ZNF407: variants seen among roughly 807,000 people sequenced by gnomAD.
The protein encoded by ZNF407 is zinc finger protein 407.
A neutral mutation model predicts 131.2 loss-of-function variants in ZNF407; 17 were observed. The ratio of observed to expected loss-of-function variants is 0.13; its 90% CI spans 0.09 to 0.19. ZNF407 has a LOEUF of 0.19. ZNF407 is among the 10% of genes least tolerant of loss of function. ZNF407 has a pLI of 1.00. For synonymous variants in ZNF407, 1,156 were observed against 1,062.0 expected, an observed-to-expected ratio of 1.09 and a Z score of -1.72; for missense variants, 2,681 against 2,830.6, an observed-to-expected ratio of 0.95 and a Z score of 1.20.
chr18:74,934,550 T>C (rs1358493665), intron 8 of ZNF407, among the ~76,000 whole-genome samples: 1 of 152,244 alleles, frequency 6.6e-6, no homozygotes, highest in Non-Finnish European at 1.5e-5. Context: ...GGCTCACGCC[T>C]ATAATCCTAG....
At chr18:74,940,893 G>T (rs995117792) in intron 8 of ZNF407, among the ~76,000 whole-genome samples, 1 of 152,182 alleles carries the variant, frequency 6.6e-6, no homozygotes, top group African/African-American at 2.4e-5. Context: ...TAGTTCTTGG[G>T]TGTACTGCTC....
intron 3 of ZNF407, among the ~76,000 whole-genome samples, chr18:74,746,016 G>A (rs958947279): frequency 1.3e-5 from 2 of 152,126 alleles, no homozygotes; most frequent in Non-Finnish European, 2.9e-5. Context: ...TTGTTACTGT[G>A]CAAACATCAT....
rs879899867 is a variant in ZNF407, at chr18:74,866,796, CATTAT to C, written c.4878-10395_4878-10391del. On this transcript the variant is annotated intron_variant, in intron 4 of 8. Coordinates refer to ENST00000299687, the MANE Select transcript of ZNF407 (RefSeq NM_017757.3). ...TTTATTGTATTCATTATATTTTATT[CATTAT>C]ATTATTTTATTTTATTCATTATATT... Among the ~76,000 whole-genome samples the C allele has an allele frequency of 1.5e-3, 228 of 147,206 alleles. 1 individual carries two copies. The highest frequency in any genetic ancestry group is 2.5e-3 in the Non-Finnish European group (164 of 66,714).
chr18:75,035,114 A>G (rs1220244117), intron 8 of ZNF407, among the ~76,000 whole-genome samples: 1 of 152,234 alleles, frequency 6.6e-6, no homozygotes, highest in Non-Finnish European at 1.5e-5. Context: ...CATGTAATTT[A>G]TAGCTGAATG....
At chr18:74,784,624 A>G (rs1969669955) in intron 4 of ZNF407, among the ~76,000 whole-genome samples, 1 of 152,248 alleles carries the variant, frequency 6.6e-6, no homozygotes, top group Non-Finnish European at 1.5e-5. Flanking sequence ...AATCCTACAC[A>G]CTTAAATTCA....
At chr18:74,971,184 C>T (rs367915719) in intron 8 of ZNF407, among the ~76,000 whole-genome samples, 104 of 152,204 alleles carry the variant, frequency 6.8e-4, no homozygotes, top group African/African-American at 2.3e-3. Context: ...TGCCTCTGGA[C>T]CTCCAGGCCT....
chr18:74,928,517 A>G (rs1971941876), intron 8 of ZNF407, among the ~76,000 whole-genome samples: 1 of 152,208 alleles, frequency 6.6e-6, no homozygotes, highest in African/African-American at 2.4e-5. Flanking sequence ...TACAGAATGC[A>G]AATTTTCCCA....
At chr18:74,648,340 G>A (rs1372044774) in intron 3 of ZNF407, among the ~76,000 whole-genome samples, 3 of 149,560 alleles carry the variant, frequency 2.0e-5, no homozygotes, top group Admixed American at 6.6e-5. Flanking sequence ...CTGGAGGCTG[G>A]ATTGTGAAGC....
At chr18:74,904,229 T>A (rs1487429225) in intron 7 of ZNF407, among the ~76,000 whole-genome samples, 1 of 152,252 alleles carries the variant, frequency 6.6e-6, no homozygotes, top group Non-Finnish European at 1.5e-5. Context: ...CTAAGTTTTA[T>A]TTTACTTCTA....
intron 4 of ZNF407, among the ~76,000 whole-genome samples, chr18:74,796,450 A>T (rs1969921321): frequency 6.6e-6 from 1 of 152,176 alleles, no homozygotes; most frequent in Non-Finnish European, 1.5e-5. Context: ...TTGAGATCCC[A>T]AGCTGCATTT....
At position 74,921,554 on chromosome 18, in the gene ZNF407, C is replaced by G. The variant is rs1327689375; in HGVS notation, c.5428+862C>G. 4.6e-5 allele frequency among the ~76,000 whole-genome samples: 7 copies of G among 152,304 alleles called. No homozygotes were observed. The East Asian group carries it at 1.4e-3, about 29-fold the overall frequency. Reference sequence around the variant, plus strand: ...AGAGTTGCTTTTAAACCCTGCTTCTCATTATTGGCCATATGACCTCAGGCA... The same window carrying G: ...AGAGTTGCTTTTAAACCCTGCTTCTGATTATTGGCCATATGACCTCAGGCA... On this transcript the variant is annotated intron_variant, in intron 8 of 8. Coordinates refer to ENST00000299687, the MANE Select transcript of ZNF407 (RefSeq NM_017757.3).
intron 4 of ZNF407, among the ~76,000 whole-genome samples, chr18:74,833,653 C>T (rs769404613): frequency 1.6e-4 from 25 of 152,294 alleles, no homozygotes; most frequent in Non-Finnish European, 2.9e-4. Context: ...TCCTGTTGCC[C>T]TTGGCACGGG....
chr18:74,749,819 C>T (rs1384109423), intron 3 of ZNF407, among the ~76,000 whole-genome samples: 1 of 152,032 alleles, frequency 6.6e-6, no homozygotes, highest in African/African-American at 2.4e-5. Context: ...TAATAGAAAG[C>T]TTTGTATTCC....
chr18:74,833,159 A>G (rs1188944285), intron 4 of ZNF407, among the ~76,000 whole-genome samples: 2 of 152,340 alleles, frequency 1.3e-5, no homozygotes, highest in East Asian at 3.9e-4. Context: ...ACAACAAGGA[A>G]AGGGACATGG....
chr18:74,736,603 A>G (rs1481021044), intron 3 of ZNF407, among the ~76,000 whole-genome samples: 1 of 152,054 alleles, frequency 6.6e-6, no homozygotes. Context: ...GATTTTTTTA[A>G]CATATAAAAT....
At chr18:75,021,842 A>G (rs1973114398) in intron 8 of ZNF407, among the ~76,000 whole-genome samples, 1 of 152,076 alleles carries the variant, frequency 6.6e-6, no homozygotes, top group Admixed American at 6.5e-5. Context: ...ACTGATTAAT[A>G]GATATAACTA....
chr18:74,601,343 G>GTGTA (rs1982576057), intron 1 of ZNF407, among the ~76,000 whole-genome samples: 2 of 151,532 alleles, frequency 1.3e-5, no homozygotes, highest in South Asian at 4.2e-4. Context: ...GTGTGTGTGT[G>GTGTA]TGTGTGTGTG....
intron 3 of ZNF407, among the ~76,000 whole-genome samples, chr18:74,670,134 G>C (rs1253163402): frequency 6.6e-6 from 1 of 152,180 alleles, no homozygotes; most frequent in Non-Finnish European, 1.5e-5. Context: ...CACCGTGCCA[G>C]GCATTGGGGA....
At chr18:74,602,462 A>G (rs1464129658) in intron 1 of ZNF407, among the ~76,000 whole-genome samples, 1 of 152,212 alleles carries the variant, frequency 6.6e-6, no homozygotes, top group Non-Finnish European at 1.5e-5. Flanking sequence ...TCAAAGTATT[A>G]AGTACTTAGG....
Sources: gnomAD v4.1 joint callset for allele counts (sites outside exome capture counted in the v4.1 genomes callset) on GRCh38, gnomAD v4.1.1 for gene constraint, MANE v1.5 for transcripts, NCBI Gene and HGNC (gene_info 2026-07-23, HGNC 2026-07-21) for gene names.